The following TMC1 variants were observed in gnomAD, a reference collection of about 807,000 sequenced individuals.
TMC1 encodes transmembrane channel-like protein 1.
TMC1 carries 84 observed loss-of-function variants against 105.8 expected under a neutral mutation model. The observed-to-expected ratio is 0.79, with a 90% confidence interval of 0.67 to 0.95. The LOEUF is 0.95. TMC1 is among the 40% of genes least tolerant of loss of function. The pLI, the probability that TMC1 is intolerant of heterozygous loss-of-function variation, is 0.00. For synonymous variants in TMC1, 315 were observed against 311.5 expected, an observed-to-expected ratio of 1.01 and a Z score of -0.12; for missense variants, 817 against 914.1, an observed-to-expected ratio of 0.89 and a Z score of 1.37.
chr9:72,617,943 G>GTGTA (rs1243447780), intron 3 of TMC1, among the ~76,000 whole-genome samples: 4 of 141,756 alleles, frequency 2.8e-5, no homozygotes, highest in Non-Finnish European at 4.6e-5. Context: ...GTGTGTGTGT[G>GTGTA]TGTGTGTATG....
At chr9:72,832,875 GA>G (rs1268160650) in intron 23 of TMC1, among the ~76,000 whole-genome samples, 1 of 151,964 alleles carries the variant, frequency 6.6e-6, no homozygotes, top group African/African-American at 2.4e-5. Context: ...GGCTTATCAT[GA>G]AAAACAGCAT....
chr9:72,741,166 G>T, intron 9 of TMC1: 1 of 163,304 alleles, frequency 6.1e-6, no homozygotes. Context: ...TTGTCTTCTG[G>T]TTTGTTGAAA....
Position 72,648,642 on chromosome 9 carries a change from C to G in TMC1, c.-7C>G, listed in dbSNP as rs1250720358. ...CCACTGAGACCTTCTGACAGGACAC[C>G]CCCAGGATGTCACCCAAAAAAGGTA... On this transcript the variant is annotated 5_prime_UTR_variant, in exon 5 of 24. Coordinates refer to ENST00000297784, the MANE Select transcript of TMC1 (RefSeq NM_138691.3). 6.2e-7 allele frequency: 1 copy of G among 1,613,074 alleles called. No homozygotes were observed. The highest frequency in any genetic ancestry group is 2.2e-5 in the East Asian group (1 of 44,864).
intron 13 of TMC1, among the ~76,000 whole-genome samples, chr9:72,786,172 G>A (rs1469418835): frequency 6.6e-6 from 1 of 152,170 alleles, no homozygotes; most frequent in Admixed American, 6.5e-5. Flanking sequence ...CAGGCCAGGC[G>A]CGGTGGCTCA....
At chr9:72,794,590 G>A (rs1235385680) in intron 17 of TMC1, among the ~76,000 whole-genome samples, 1 of 152,130 alleles carries the variant, frequency 6.6e-6, no homozygotes, top group Non-Finnish European at 1.5e-5. Flanking sequence ...CAAAGCCTTG[G>A]CCCAATGAAA....
intron 4 of TMC1, among the ~76,000 whole-genome samples, chr9:72,637,767 A>C (rs1037723308): frequency 5.3e-5 from 8 of 152,238 alleles, no homozygotes; most frequent in Admixed American, 4.6e-4. Flanking sequence ...CTAGAAAGTC[A>C]ATGGCAACAT....
intron 1 of TMC1, among the ~76,000 whole-genome samples, chr9:72,569,249 G>A (rs1824225319): frequency 6.6e-6 from 1 of 151,712 alleles, no homozygotes; most frequent in Non-Finnish European, 1.5e-5. Flanking sequence ...GTATTGTTTA[G>A]GGAATAATGA....
rs898932986 is a variant in TMC1, at chr9:72,650,877, TATATAGATATATAG to T, written c.16+2219_16+2232del. Among the ~76,000 whole-genome samples, 23 of 132,966 alleles carry T rather than the reference TATATAGATATATAG, an allele frequency of 1.7e-4. 2 individuals carry two copies. Among genetic ancestry groups the T allele is most frequent in the African/African-American group, 5.7e-4 (20 of 35,214 alleles). 87.2% of individuals were successfully genotyped at this position (132,966 alleles called of 152,430 possible). On this transcript the variant is annotated intron_variant, in intron 5 of 23. Transcript: ENST00000297784. ...ATGGTATTTCATGGTGTATTTTATATATATAGATATATAGATATATATATAAATATATATAGATA... is the reference window on the plus strand; with the variant it reads ...ATGGTATTTCATGGTGTATTTTATATATATATATATAAATATATATAGATA...
chr9:72,776,168 A>G (rs1038668856), intron 13 of TMC1, among the ~76,000 whole-genome samples: 6 of 152,042 alleles, frequency 3.9e-5, no homozygotes, highest in Non-Finnish European at 7.4e-5. Flanking sequence ...ATATTCTTGG[A>G]TACTTAAATC....
At chr9:72,621,308 A>C (rs1825244954) in intron 3 of TMC1, among the ~76,000 whole-genome samples, 1 of 152,190 alleles carries the variant, frequency 6.6e-6, no homozygotes, top group African/African-American at 2.4e-5. Context: ...CAGGGGATCA[A>C]GCTACTATTT....
chr9:72,597,828 G>A (rs538502305), intron 2 of TMC1, among the ~76,000 whole-genome samples: 17 of 152,160 alleles, frequency 1.1e-4, no homozygotes, highest in African/African-American at 3.4e-4. Context: ...GATTACTGTC[G>A]GTTCAGGCCT....
At chr9:72,824,961 G>T (rs371147589) in intron 20 of TMC1, among the ~76,000 whole-genome samples, 1 of 152,230 alleles carries the variant, frequency 6.6e-6, no homozygotes, top group Non-Finnish European at 1.5e-5. Context: ...AGTATACTAG[G>T]TGCAGGTTTT....
intron 8 of TMC1, among the ~76,000 whole-genome samples, chr9:72,708,500 C>T (rs2117899026): frequency 6.8e-6 from 1 of 146,128 alleles, no homozygotes. Context: ...AGGTATAATC[C>T]CAAGTACTTT....
intron 8 of TMC1, among the ~76,000 whole-genome samples, chr9:72,706,847 T>A (rs1234346583): frequency 6.6e-6 from 1 of 151,816 alleles, no homozygotes; most frequent in Non-Finnish European, 1.5e-5. Flanking sequence ...TGATCTCGGC[T>A]CACTGCAACC....
At position 72,522,154 on chromosome 9, in the gene TMC1, G is replaced by GTTTTTTTTT. The variant is rs66973360; in HGVS notation, c.-428+246_-428+254dup. On this transcript the variant is annotated intron_variant, in intron 1 of 23. Transcript: ENST00000297784. The stretch of plus-strand genomic sequence containing the variant: ...CAGCATGTCACCCAGTAATTGATAA[G>GTTTTTTTTT]TTTTTTTTTTTTTGAGACGGAGTCT... 7.6e-3 allele frequency among the ~76,000 whole-genome samples: 364 copies of GTTTTTTTTT among 47,758 alleles called. 1 individual carries two copies. Among genetic ancestry groups the GTTTTTTTTT allele is most frequent in the Non-Finnish European group, 0.012 (296 of 24,096 alleles). 31.3% of individuals were successfully genotyped at this position (47,758 alleles called of 152,430 possible).
intron 4 of TMC1, among the ~76,000 whole-genome samples, chr9:72,644,792 T>A (rs1026923404): frequency 1.3e-5 from 2 of 152,336 alleles, no homozygotes; most frequent in African/African-American, 4.8e-5. Context: ...TATGGAATTT[T>A]AAAATTTTCA....
At chr9:72,695,529 C>T (rs1826533980) in intron 7 of TMC1, among the ~76,000 whole-genome samples, 1 of 142,624 alleles carries the variant, frequency 7.0e-6, no homozygotes, top group Non-Finnish European at 1.5e-5. Flanking sequence ...CCACAACTCA[C>T]AGGTAATAGG....
intron 17 of TMC1, among the ~76,000 whole-genome samples, chr9:72,798,874 AC>A (rs1267399155): frequency 6.6e-6 from 1 of 152,056 alleles, no homozygotes; most frequent in Non-Finnish European, 1.5e-5. Context: ...GGGAGCACAC[AC>A]TAAGAAATTT....
At chr9:72,832,671 A>G (rs1829059693) in intron 23 of TMC1, among the ~76,000 whole-genome samples, 1 of 152,124 alleles carries the variant, frequency 6.6e-6, no homozygotes, top group Non-Finnish European at 1.5e-5. Flanking sequence ...TGCCTTCTTT[A>G]TGCTTAGCCT....
Sources: gnomAD v4.1 joint callset for allele counts (sites outside exome capture counted in the v4.1 genomes callset) on GRCh38, gnomAD v4.1.1 for gene constraint, MANE v1.5 for transcripts, NCBI Gene and HGNC (gene_info 2026-07-23, HGNC 2026-07-21) for gene names.